The following FSHR variants were observed in gnomAD, a reference collection of about 807,000 sequenced individuals.
FSHR encodes the protein follicle-stimulating hormone receptor.
In FSHR, 46 loss-of-function variants were observed where a neutral mutation model predicts 52.1. That is an observed-to-expected ratio of 0.88 (90% CI 0.70 to 1.13). The LOEUF is 1.13. FSHR is among the 50% of genes most tolerant of loss of function. The pLI is 0.00. For missense variants in FSHR, 964 were observed against 834.6 expected, an observed-to-expected ratio of 1.16 and a Z score of -1.91; for synonymous variants, 399 against 309.6, an observed-to-expected ratio of 1.29 and a Z score of -3.03.
intron 4 of FSHR, among the ~76,000 whole-genome samples, chr2:49,008,550 G>A (rs1324022058): frequency 1.3e-5 from 2 of 151,514 alleles, no homozygotes; most frequent in Non-Finnish European, 2.9e-5. Flanking sequence ...CCAGTAATGG[G>A]ATGGCTGGGT....
chr2:49,009,115 T>C (rs868120798), intron 4 of FSHR, among the ~76,000 whole-genome samples: 1 of 151,836 alleles, frequency 6.6e-6, no homozygotes. Flanking sequence ...GCCTATGTCC[T>C]GAATGGTAAT....
At chr2:49,145,991 A>G (rs935969289) in intron 1 of FSHR, among the ~76,000 whole-genome samples, 1 of 152,004 alleles carries the variant, frequency 6.6e-6, no homozygotes, top group East Asian at 1.9e-4. Flanking sequence ...GGTTGAGAGG[A>G]TGTAAGAGAA....
chr2:48,979,588 G>A (rs1226441212), intron 8 of FSHR, among the ~76,000 whole-genome samples: 1 of 152,128 alleles, frequency 6.6e-6, no homozygotes, highest in African/African-American at 2.4e-5. Flanking sequence ...CCTCCCCAGG[G>A]ACAGCCTGCA....
intron 1 of FSHR, among the ~76,000 whole-genome samples, chr2:49,076,547 G>C (rs1469116139): frequency 6.6e-6 from 1 of 151,852 alleles, no homozygotes; most frequent in Non-Finnish European, 1.5e-5. Flanking sequence ...TCTGCCCCTG[G>C]CCCCTCCCAA....
rs1352027009 is a variant in FSHR, at chr2:49,006,759, A to G, written c.374+10730T>C. Among the ~76,000 whole-genome samples, 8 of 152,254 alleles carry G rather than the reference A, an allele frequency of 5.3e-5. No individual in the cohort carries two copies. In the South Asian group the frequency reaches 1.7e-3, roughly 32 times the overall value. The stretch of plus-strand genomic sequence containing the variant: ...AACGTTTGATAGACTTTTCTCCCCA[A>G]AGGACTGAGCTCCTTGAAGTGAGAG... On this transcript the variant is annotated intron_variant, in intron 4 of 9. Transcript: ENST00000406846.
intron 9 of FSHR, among the ~76,000 whole-genome samples, chr2:48,967,030 A>G (rs922824336): frequency 1.3e-5 from 2 of 152,176 alleles, no homozygotes; most frequent in Non-Finnish European, 2.9e-5. Flanking sequence ...TGAGACAACA[A>G]ATTCTTGGGG....
intron 6 of FSHR, among the ~76,000 whole-genome samples, chr2:48,985,568 CT>C (rs979233391): frequency 4.6e-5 from 7 of 152,284 alleles, no homozygotes; most frequent in Admixed American, 1.3e-4. Context: ...GTTTTTATTG[CT>C]CACTTCTCTG....
intron 2 of FSHR, among the ~76,000 whole-genome samples, chr2:49,040,718 G>T (rs1410873238): frequency 3.3e-5 from 5 of 152,150 alleles, no homozygotes; most frequent in Admixed American, 3.3e-4. Context: ...AGCAGGGAGG[G>T]TCCTTGAAGA....
rs1330525030 is a variant in FSHR at position 49,094,069 on chromosome 2, G to C, written c.153-25779C>G. The stretch of plus-strand genomic sequence containing the variant: ...TGTTTGTTTACTCTATATTTCATTA[G>C]TTTCCTCCTTTCTTCCTTCTTTTGG... On this transcript the variant is annotated intron_variant, in intron 1 of 9. Transcript: ENST00000406846. 3.3e-5 allele frequency among the ~76,000 whole-genome samples: 5 copies of C among 151,942 alleles called. No homozygotes were observed. In the East Asian group the frequency reaches 9.6e-4, roughly 29 times the overall value.
At chr2:49,096,948 T>C (rs1263189003) in intron 1 of FSHR, among the ~76,000 whole-genome samples, 1 of 152,112 alleles carries the variant, frequency 6.6e-6, no homozygotes, top group Admixed American at 6.6e-5. Flanking sequence ...GATTATAAGT[T>C]TCCCAAGGTC....
intron 1 of FSHR, among the ~76,000 whole-genome samples, chr2:49,097,020 A>G (rs1396680489): frequency 6.6e-6 from 1 of 152,210 alleles, no homozygotes; most frequent in Non-Finnish European, 1.5e-5. Context: ...CTGCAGAACT[A>G]TGAGCCAATT....
intron 1 of FSHR, among the ~76,000 whole-genome samples, chr2:49,139,268 G>A (rs1672591686): frequency 6.6e-6 from 1 of 152,128 alleles, no homozygotes. Flanking sequence ...CAACCCTTCA[G>A]TTCCTTTGGG....
chr2:49,009,391 T>C (rs1667188745), intron 4 of FSHR, among the ~76,000 whole-genome samples: 1 of 152,078 alleles, frequency 6.6e-6, no homozygotes, highest in Non-Finnish European at 1.5e-5. Flanking sequence ...TCTATATCTC[T>C]GTTTTGGTAC....
At chr2:49,110,162 T>C (rs1671373225) in intron 1 of FSHR, among the ~76,000 whole-genome samples, 1 of 152,212 alleles carries the variant, frequency 6.6e-6, no homozygotes, top group Non-Finnish European at 1.5e-5. Flanking sequence ...AACATTAACA[T>C]GGTGCTTCCT....
At chr2:49,064,789 G>C (rs990675519) in intron 2 of FSHR, among the ~76,000 whole-genome samples, 4 of 152,132 alleles carry the variant, frequency 2.6e-5, no homozygotes, top group Admixed American at 1.3e-4. Context: ...TGTAAATTCT[G>C]AGTACAGTCT....
At chr2:49,043,298 G>A (rs1050411681) in intron 2 of FSHR, among the ~76,000 whole-genome samples, 1 of 152,044 alleles carries the variant, frequency 6.6e-6, no homozygotes, top group Non-Finnish European at 1.5e-5. Flanking sequence ...CAGGGTAGGG[G>A]GTGGGGTAGT....
In FSHR at chr2:49,049,824, A is replaced by AATATAT. The variant is rs5831020; in HGVS notation, c.224+18389_224+18394dup. ...ATCAGACTCATATAGCCCCTACTCT[A>AATATAT]ATATATATATATATATATATATATA... On this transcript the variant is annotated intron_variant, in intron 2 of 9. Coordinates refer to ENST00000406846, the MANE Select transcript of FSHR (RefSeq NM_000145.4). 6.6e-3 allele frequency among the ~76,000 whole-genome samples: 962 copies of AATATAT among 144,840 alleles called. 15 individuals carry two copies. Among genetic ancestry groups the AATATAT allele is most frequent in the African/African-American group, 0.023 (862 of 37,502 alleles).
At chr2:49,061,536 A>G (rs1157586818) in intron 2 of FSHR, among the ~76,000 whole-genome samples, 1 of 146,742 alleles carries the variant, frequency 6.8e-6, no homozygotes, top group African/African-American at 2.5e-5. Context: ...ATTTAGATAT[A>G]TAAAAATAAA....
intron 1 of FSHR, among the ~76,000 whole-genome samples, chr2:49,136,450 A>G (rs1672491949): frequency 6.6e-6 from 1 of 152,132 alleles, no homozygotes; most frequent in African/African-American, 2.4e-5. Context: ...ATGAAGAATA[A>G]ATACCAATTA....
Sources: gnomAD v4.1 joint callset for allele counts (sites outside exome capture counted in the v4.1 genomes callset) on GRCh38, gnomAD v4.1.1 for gene constraint, MANE v1.5 for transcripts, NCBI Gene and HGNC (gene_info 2026-07-23, HGNC 2026-07-21) for gene names.